Variants in ZNF536 observed in about 807,000 individuals in gnomAD.
ZNF536 encodes zinc finger protein 536.
In ZNF536, 13 loss-of-function variants were observed where a neutral mutation model predicts 84.5. The ratio of observed to expected loss-of-function variants is 0.15; its 90% confidence interval spans 0.10 to 0.24. The LOEUF (loss-of-function observed/expected upper bound fraction) is 0.24. Ranked by LOEUF, ZNF536 falls within the 10% of genes least tolerant of loss-of-function variation. ZNF536 has a pLI of 1.00. For missense variants in ZNF536, 1,536 were observed against 1,747.5 expected, an observed-to-expected ratio of 0.88 and a Z score of 2.16; for synonymous variants, 811 against 742.5, an observed-to-expected ratio of 1.09 and a Z score of -1.50.
intron 2 of ZNF536, among the ~76,000 whole-genome samples, chr19:30,459,570 C>G (rs560442827): frequency 6.6e-6 from 1 of 152,062 alleles, no homozygotes. Context: ...AGGCTGGTCT[C>G]GAACTCCTGA....
intron 4 of ZNF536, chr19:30,554,653 GGT>G (rs1487516306): frequency 3.3e-5 from 5 of 152,148 alleles, no homozygotes; most frequent in African/African-American, 1.2e-4. Flanking sequence ...CAGGCCATGG[GGT>G]GTCTGTGGCG....
intron 1 of ZNF536, among the ~76,000 whole-genome samples, chr19:30,585,701 C>T (rs2047072004): frequency 6.6e-6 from 1 of 152,162 alleles, no homozygotes; most frequent in Non-Finnish European, 1.5e-5. Context: ...CTCATCCCTG[C>T]TATCTTTCTC....
intron 1 of ZNF536, among the ~76,000 whole-genome samples, chr19:30,685,993 A>G (rs2147864825): frequency 6.6e-6 from 1 of 152,342 alleles, no homozygotes; most frequent in Admixed American, 6.5e-5. Flanking sequence ...GTCTGTGGCA[A>G]TGGCTGAAGA....
At chr19:30,402,822 T>TAA (rs2050108834) in intron 1 of ZNF536, among the ~76,000 whole-genome samples, 1 of 142,558 alleles carries the variant, frequency 7.0e-6, no homozygotes, top group Non-Finnish European at 1.5e-5. Flanking sequence ...TATATATATA[T>TAA]AATTTTCAAA....
intron 1 of ZNF536, among the ~76,000 whole-genome samples, chr19:30,271,294 C>CTTTTTTTT (rs879683203): frequency 1.3e-4 from 13 of 103,182 alleles, no homozygotes; most frequent in South Asian, 3.2e-4. Context: ...GTGTTTTTTT[C>CTTTTTTTT]TTTTCTTTTT....
intron 1 of ZNF536, among the ~76,000 whole-genome samples, chr19:30,671,718 G>T (rs2050562718): frequency 6.6e-6 from 1 of 152,160 alleles, no homozygotes; most frequent in Admixed American, 6.5e-5. Context: ...ATCTCAGGAA[G>T]CACTAGGTAT....
At chr19:30,280,149 A>C (rs1479286741) in intron 1 of ZNF536, among the ~76,000 whole-genome samples, 1 of 151,644 alleles carries the variant, frequency 6.6e-6, no homozygotes, top group Non-Finnish European at 1.5e-5. Flanking sequence ...TCATCCTTCC[A>C]TCCGCCTCAC....
chr19:30,227,615 G>C (rs1437173321), upstream of ZNF536, among the ~76,000 whole-genome samples: 1 of 152,094 alleles, frequency 6.6e-6, no homozygotes, highest in Non-Finnish European at 1.5e-5. Flanking sequence ...GCGTCCTGGG[G>C]GCTGGGTCGT....
At chr19:30,686,556 T>A (rs8109376) in intron 1 of ZNF536, among the ~76,000 whole-genome samples, 28,670 of 152,194 alleles carry the variant, frequency 0.19, 2,758 homozygotes, top group South Asian at 0.22. Context: ...CAGTGCCAAG[T>A]GGCTGCCGTG....
At chr19:30,339,810 C>T (rs769540274) in intron 2 of ZNF536, among the ~76,000 whole-genome samples, 2 of 152,262 alleles carry the variant, frequency 1.3e-5, no homozygotes, top group African/African-American at 2.4e-5. Context: ...GCTGTGGCTG[C>T]GTGGTTGCTG....
downstream of ZNF536, among the ~76,000 whole-genome samples, chr19:30,562,782 C>T (rs1490711820): frequency 3.3e-5 from 5 of 151,838 alleles, no homozygotes; most frequent in African/African-American, 7.3e-5. Context: ...TCACGGGGCA[C>T]GGAAGCAGTT....
chr19:30,443,714 A>T lies in ZNF536; in HGVS notation c.152A>T (p.His51Leu), dbSNP rs2148149918. The T allele has an allele frequency of 6.2e-7, 1 of 1,613,618 alleles. No individual in the cohort carries two copies. The highest frequency in any genetic ancestry group is 8.5e-7 in the Non-Finnish European group (1 of 1,179,878). ...SQLSHAFPEL[H>L]PRPNPEEKPP... ...CTCAGCCATGCCTTCCCCGAGCTCC[A>T]TCCCCGGCCCAACCCCGAGGAGAAG... The change falls in exon 2 of 5, where the codon CAT (histidine) becomes CTT (leucine). Residue 51 changes from histidine to leucine, a missense_variant. This residue lies in a region of ZNF536 where 161 missense variants were observed against 178.5 expected (regional missense o/e 0.90). Transcript: ENST00000355537.
At position 30,252,974 on chromosome 19, in the gene ZNF536, ATGC is replaced by A. The variant is rs1355966967; in HGVS notation, c.-190+24304_-190+24306del. 2.0e-5 allele frequency among the ~76,000 whole-genome samples: 3 copies of A among 152,218 alleles called. No homozygotes were observed. The East Asian group carries it at 5.8e-4, about 29-fold the overall frequency. ...TAAAGAAGGTAGAGAATGTTTCGAA[ATGC>A]TGATGATGATGGTGATGGTGATGGT... On this transcript the variant is annotated intron_variant, in intron 1 of 5. Coordinates refer to the ZNF536 transcript ENST00000585628.
intron 3 of ZNF536, among the ~76,000 whole-genome samples, chr19:30,364,811 G>C (rs923962101): frequency 6.6e-6 from 1 of 152,150 alleles, no homozygotes; most frequent in Non-Finnish European, 1.5e-5. Flanking sequence ...GGTCATATGC[G>C]TTTTTCTTTT....
chr19:30,370,674 C>T (rs2048581756), upstream of ZNF536, among the ~76,000 whole-genome samples: 1 of 152,128 alleles, frequency 6.6e-6, no homozygotes, highest in South Asian at 2.1e-4. Flanking sequence ...ATCATTATTA[C>T]ATCAATCATC....
intron 1 of ZNF536, among the ~76,000 whole-genome samples, chr19:30,374,860 C>A (rs1351477437): frequency 6.6e-6 from 1 of 151,290 alleles, no homozygotes; most frequent in South Asian, 2.1e-4. Flanking sequence ...CGGAGACTGG[C>A]CCCCCGCCCG....
intron 1 of ZNF536, among the ~76,000 whole-genome samples, chr19:30,427,920 A>G (rs1012348723): frequency 2.0e-5 from 3 of 152,192 alleles, no homozygotes; most frequent in African/African-American, 7.2e-5. Context: ...AATTATTTAA[A>G]AATGGAACCT....
At chr19:30,480,244 G>GT (rs1397427066) in intron 2 of ZNF536, among the ~76,000 whole-genome samples, 2 of 152,112 alleles carry the variant, frequency 1.3e-5, no homozygotes, top group African/African-American at 4.8e-5. Flanking sequence ...TCAGGCTCCC[G>GT]TGGGTCAACA....
At chr19:30,667,331 G>A (rs1167231806) in intron 1 of ZNF536, among the ~76,000 whole-genome samples, 2 of 152,318 alleles carry the variant, frequency 1.3e-5, no homozygotes, top group Admixed American at 1.3e-4. Context: ...TTGCACACAG[G>A]CTTGCCTGGT....
Sources: allele counts gnomAD v4.1 joint callset (sites outside exome capture counted in the v4.1 genomes callset), GRCh38; gene constraint gnomAD v4.1.1; regional missense constraint gnomAD v4.1.1; transcripts MANE v1.5; gene names NCBI Gene and HGNC (gene_info 2026-07-23, HGNC 2026-07-21).